Variants in NCKAP1 observed in about 807,000 individuals in gnomAD.
The protein encoded by NCKAP1 is nck-associated protein 1.
In NCKAP1, 21 loss-of-function variants were observed where a neutral mutation model predicts 151.2. That is an observed-to-expected ratio of 0.14 (90% confidence interval 0.10 to 0.20). The LOEUF (loss-of-function observed/expected upper bound fraction) is 0.20, where lower values mean the gene tolerates loss of function less well. Ranked by LOEUF, NCKAP1 falls within the 10% of genes least tolerant of loss-of-function variation. The pLI, the probability that NCKAP1 is intolerant of heterozygous loss-of-function variation, is 1.00. For missense variants in NCKAP1, 933 were observed against 1,352.1 expected, an observed-to-expected ratio of 0.69 and a Z score of 4.86; for synonymous variants, 484 against 451.8, an observed-to-expected ratio of 1.07 and a Z score of -0.90.
Position 182,974,579 on chromosome 2 carries a change from A to G in NCKAP1, c.1482+2314T>C, listed in dbSNP as rs142681408. 1.2e-3 allele frequency among the ~76,000 whole-genome samples: 190 copies of G among 152,316 alleles called. 2 individuals carry two copies. The highest frequency in any genetic ancestry group is 4.4e-3 in the African/African-American group (184 of 41,574). ...GAAGAAACACAGGGAGAATGCCTTT[A>G]GAGTAATGCAACTACAAGCAAGGAA... On this transcript the variant is annotated intron_variant, in intron 15 of 30. Coordinates refer to ENST00000361354, the MANE Select transcript of NCKAP1 (RefSeq NM_013436.5).
intron 2 of NCKAP1, among the ~76,000 whole-genome samples, chr2:183,013,210 AAACCT>A (rs1413820298): frequency 6.7e-6 from 1 of 150,068 alleles, no homozygotes; most frequent in Admixed American, 6.6e-5. Context: ...CAGTCAGCTT[AAACCT>A]AACCTGAGAT....
At chr2:182,940,522 C>T (rs553807525) in intron 24 of NCKAP1, among the ~76,000 whole-genome samples, 8 of 152,238 alleles carry the variant, frequency 5.3e-5, no homozygotes, top group Admixed American at 3.9e-4. Context: ...CGACTGCAAC[C>T]TCCATCTCCC....
intron 15 of NCKAP1, among the ~76,000 whole-genome samples, chr2:182,970,595 T>C (rs1697667164): frequency 1.3e-5 from 2 of 152,056 alleles, no homozygotes; most frequent in African/African-American, 4.8e-5. Flanking sequence ...AAAACATACC[T>C]CTTAACAAAC....
At chr2:183,023,959 T>C in intron 1 of NCKAP1, 43 bp from the exon 2 acceptor site, 4 of 1,335,520 alleles carry the variant, frequency 3.0e-6, no homozygotes, top group Non-Finnish European at 4.2e-6. Flanking sequence ...TGCACCCTTC[T>C]TCTAAAATCA....
At chr2:182,952,955 A>G in intron 21 of NCKAP1, 32 bp from the exon 22 acceptor site, 1 of 1,589,976 alleles carries the variant, frequency 6.3e-7, no homozygotes, top group East Asian at 2.2e-5. Flanking sequence ...TAACCGGAAG[A>G]AACTGCTTAA....
intron 8 of NCKAP1, among the ~76,000 whole-genome samples, chr2:182,990,425 T>G (rs1698144167): frequency 6.6e-6 from 1 of 152,208 alleles, no homozygotes; most frequent in African/African-American, 2.4e-5. Context: ...TAGCCCCAAT[T>G]ATTCATCCTT....
At chr2:182,964,533 C>A (rs1484965089) in intron 17 of NCKAP1, 143 bp downstream of exon 17, 1 of 510,960 alleles carries the variant, frequency 2.0e-6, no homozygotes, top group Non-Finnish European at 3.3e-6. Flanking sequence ...TGTATCTGTT[C>A]AAGCACTTTT....
chr2:182,935,396 G>A (rs1696853235), intron 24 of NCKAP1, 21 bp from the exon 25 acceptor site: 2 of 1,437,454 alleles, frequency 1.4e-6, no homozygotes, highest in East Asian at 2.5e-5. Flanking sequence ...AGAAACAGAA[G>A]GAGAAGAGAA....
At chr2:182,943,344 A>G (rs890398931) in intron 23 of NCKAP1, among the ~76,000 whole-genome samples, 7 of 152,176 alleles carry the variant, frequency 4.6e-5, no homozygotes, top group African/African-American at 1.7e-4. Context: ...AAACATTAGT[A>G]TAAGTTTTGT....
intron 17 of NCKAP1, among the ~76,000 whole-genome samples, chr2:182,963,884 C>T (rs1697507546): frequency 6.6e-6 from 1 of 152,008 alleles, no homozygotes; most frequent in Non-Finnish European, 1.5e-5. Flanking sequence ...TGTAAGCTAA[C>T]TTCTGTCTCA....
intron 25 of NCKAP1, 65 bp downstream of exon 25, chr2:182,935,228 T>C: frequency 8.5e-7 from 1 of 1,175,430 alleles, no homozygotes; most frequent in Non-Finnish European, 1.2e-6. Flanking sequence ...AACTTAACTT[T>C]AAATTTCTGA....
chr2:183,034,865 A>C (rs1407804440), intron 1 of NCKAP1, among the ~76,000 whole-genome samples: 1 of 152,124 alleles, frequency 6.6e-6, no homozygotes, highest in Admixed American at 6.5e-5. Flanking sequence ...TTTTACAGTT[A>C]ATTTTCCCCA....
intron 15 of NCKAP1, among the ~76,000 whole-genome samples, chr2:182,968,040 C>T (rs1042320007): frequency 5.9e-5 from 9 of 152,062 alleles, no homozygotes; most frequent in South Asian, 4.2e-4. Context: ...CTGTTTGTTA[C>T]GGCTAGAGTT....
chr2:183,022,972 G>A (rs1379642105), intron 2 of NCKAP1: 2 of 152,164 alleles, frequency 1.3e-5, no homozygotes, highest in African/African-American at 4.8e-5. Context: ...TGGACCAGCT[G>A]ACGATATATC....
At chr2:182,996,981 TTGTTA>T (rs1383584325) in intron 6 of NCKAP1, among the ~76,000 whole-genome samples, 5 of 151,868 alleles carry the variant, frequency 3.3e-5, no homozygotes, top group Non-Finnish European at 7.4e-5. Flanking sequence ...ATTTGGGAGG[TTGTTA>T]TGTTATGGGA....
At chr2:183,033,060 A>G (rs1331463833) in intron 1 of NCKAP1, among the ~76,000 whole-genome samples, 1 of 152,156 alleles carries the variant, frequency 6.6e-6, no homozygotes, top group Admixed American at 6.5e-5. Flanking sequence ...AAAAAAAGAG[A>G]AGAAATGCAT....
chr2:182,983,804 G>T (rs948976462), intron 10 of NCKAP1, among the ~76,000 whole-genome samples: 4 of 152,124 alleles, frequency 2.6e-5, no homozygotes, highest in Non-Finnish European at 5.9e-5. Flanking sequence ...AGACCAACTT[G>T]GGCAGACTGC....
chr2:182,970,450 C>A lies in NCKAP1; in HGVS notation c.1483-3089G>T, dbSNP rs553981336. On this transcript the variant is annotated intron_variant, in intron 15 of 30. Coordinates refer to ENST00000361354, the MANE Select transcript of NCKAP1 (RefSeq NM_013436.5). ...AATACAAGATGGTTCAACATATGCA[C>A]ATAAGGACAAAACTGTATAATTTTA... Among the ~76,000 whole-genome samples the A allele has an allele frequency of 1.5e-4, 23 of 152,148 alleles. No individual in the cohort carries two copies. The South Asian group carries it at 4.8e-3, about 32-fold the overall frequency.
At chr2:183,029,127 A>C (rs2105898518) in intron 1 of NCKAP1, among the ~76,000 whole-genome samples, 1 of 147,678 alleles carries the variant, frequency 6.8e-6, no homozygotes, top group East Asian at 2.0e-4. Context: ...CAAAAGAAAC[A>C]AAAAAAAAAC....
Sources: gnomAD v4.1 joint callset for allele counts (sites outside exome capture counted in the v4.1 genomes callset) on GRCh38, gnomAD v4.1.1 for gene constraint, MANE v1.5 for transcripts, NCBI Gene and HGNC (gene_info 2026-07-23, HGNC 2026-07-21) for gene names.